Variants in STAT4 observed in about 807,000 individuals in gnomAD.
STAT4 encodes signal transducer and activator of transcription 4.
Under a neutral mutation model 110.5 loss-of-function variants are expected in STAT4, and 42 were observed. That is an observed-to-expected ratio of 0.38 (90% CI 0.30 to 0.49). STAT4 has a LOEUF of 0.49. Among genes scored for constraint, STAT4 ranks in the 20% least tolerant of loss-of-function variants. The probability of loss-of-function intolerance (pLI) is 0.95; values close to 1 mark genes in which losing one functional copy is unlikely to be tolerated. For missense variants in STAT4, 632 were observed against 887.9 expected, an observed-to-expected ratio of 0.71 and a Z score of 3.66; for synonymous variants, 284 against 302.2, an observed-to-expected ratio of 0.94 and a Z score of 0.63.
At position 191,082,616 on chromosome 2, in the gene STAT4, T is replaced by C. The variant is rs557527996; in HGVS notation, c.274-6291A>G. On this transcript the variant is annotated intron_variant, in intron 3 of 23. Transcript: ENST00000392320. The surrounding 1 kb of genome is among the most constrained non-coding windows in gnomAD (Gnocchi z 4.7). ...TGTCATAGAATCCATGAACATGCTA[T>C]TTATTCTTTTTGCTACTTTATGCTA... is the stretch of plus-strand genomic sequence containing the variant. 6.6e-6 allele frequency among the ~76,000 whole-genome samples: 1 copy of C among 152,368 alleles called. No individual in the cohort carries two copies. The highest frequency in any genetic ancestry group is 1.5e-5 in the Non-Finnish European group (1 of 68,030).
intron 3 of STAT4, among the ~76,000 whole-genome samples, chr2:191,125,812 G>A (rs1314401284): frequency 6.6e-6 from 1 of 152,030 alleles, no homozygotes; most frequent in Non-Finnish European, 1.5e-5. Flanking sequence ...AGGGAGTGCG[G>A]GGAGAGTTAG....
At chr2:191,123,695 G>A (rs547620813) in intron 3 of STAT4, among the ~76,000 whole-genome samples, 17 of 152,332 alleles carry the variant, frequency 1.1e-4, no homozygotes, top group African/African-American at 3.8e-4. Flanking sequence ...GTAATAAAGT[G>A]TTGAATATCT....
At position 191,136,014 on chromosome 2, in the gene STAT4, AAAAAAAAAC is replaced by A. The variant is rs1462545659; in HGVS notation, c.273+10590_273+10598del. On this transcript the variant is annotated intron_variant, in intron 3 of 23. Transcript: ENST00000392320. ...ATCCAACAGCATCTCAGAAAAAAAA[AAAAAAAAAC>A]CAAAAAACAAAAAACCAATGTGATC... 3.2e-5 allele frequency among the ~76,000 whole-genome samples: 4 copies of A among 123,366 alleles called. No homozygotes were observed. The East Asian group carries it at 8.9e-4, about 28-fold the overall frequency. 80.9% of individuals were successfully genotyped at this position (123,366 alleles called of 152,430 possible).
At chr2:191,036,592 A>G (rs1385888361) in intron 16 of STAT4, among the ~76,000 whole-genome samples, 12 of 152,136 alleles carry the variant, frequency 7.9e-5, no homozygotes, top group Admixed American at 7.9e-4. Context: ...GCCAACCCCA[A>G]ATCAAGAGGT....
intron 3 of STAT4, among the ~76,000 whole-genome samples, chr2:191,106,836 T>C (rs1698296912): frequency 6.6e-6 from 1 of 152,066 alleles, no homozygotes; most frequent in African/African-American, 2.4e-5. Flanking sequence ...CTATTAGAAT[T>C]AGGGCAGATC....
chr2:191,115,441 G>C (rs1205081314), intron 3 of STAT4, among the ~76,000 whole-genome samples: 3 of 152,150 alleles, frequency 2.0e-5, no homozygotes, highest in Non-Finnish European at 2.9e-5. Flanking sequence ...TTCATAAGAG[G>C]GTTGTGGGTT....
rs967080238 is a variant in STAT4, at chr2:191,037,727, G to A, written c.1435-1428C>T. ...GAAGGTGGGAATGAAAGAGGACACA[G>A]CATCCAACAAGGAATGGGCAATAGG... On this transcript the variant is annotated intron_variant, in intron 16 of 23. Coordinates refer to ENST00000392320, the MANE Select transcript of STAT4 (RefSeq NM_003151.4). This position sits in a 1 kb window ranked among gnomAD's most constrained non-coding sequence, Gnocchi z 4.8. 3.3e-5 allele frequency among the ~76,000 whole-genome samples: 5 copies of A among 152,164 alleles called. No homozygotes were observed. Among genetic ancestry groups the A allele is most frequent in the African/African-American group, 1.2e-4 (5 of 41,438 alleles).
chr2:191,045,130 T>A (rs1201036090), intron 14 of STAT4, among the ~76,000 whole-genome samples: 1 of 152,104 alleles, frequency 6.6e-6, no homozygotes, highest in Non-Finnish European at 1.5e-5. Context: ...GTTAGACATA[T>A]AAAATTTAAA....
At chr2:191,056,488 C>G (rs1222206180) in intron 13 of STAT4, among the ~76,000 whole-genome samples, 1 of 152,116 alleles carries the variant, frequency 6.6e-6, no homozygotes, top group Non-Finnish European at 1.5e-5. Context: ...AATGAAAGCG[C>G]TTTTAGCCAG....
intron 3 of STAT4, among the ~76,000 whole-genome samples, chr2:191,133,928 A>C (rs1032508865): frequency 6.7e-6 from 1 of 148,290 alleles, no homozygotes; most frequent in Non-Finnish European, 1.5e-5. Flanking sequence ...GCAAAAAGAA[A>C]TGAGCTATTA....
intron 3 of STAT4, among the ~76,000 whole-genome samples, chr2:191,093,717 CA>C (rs1304490343): frequency 5.9e-5 from 9 of 152,186 alleles, no homozygotes; most frequent in Non-Finnish European, 1.5e-5. Flanking sequence ...AGCAACAGAA[CA>C]AAGCTGGACG....
chr2:191,072,864 C>T (rs1337358726), intron 5 of STAT4, among the ~76,000 whole-genome samples: 1 of 152,118 alleles, frequency 6.6e-6, no homozygotes, highest in Non-Finnish European at 1.5e-5. Flanking sequence ...AAAGCTCATT[C>T]AAGAAGAAAT....
At position 191,062,965 on chromosome 2, in the gene STAT4, T is replaced by C; in HGVS notation, c.783-45A>G. 6.4e-7 allele frequency: 1 copy of C among 1,563,324 alleles called. No homozygotes were observed. The highest frequency in any genetic ancestry group is 8.7e-7 in the Non-Finnish European group (1 of 1,152,586). On this transcript the variant is annotated intron_variant, in intron 8 of 23. Coordinates refer to ENST00000392320, the MANE Select transcript of STAT4 (RefSeq NM_003151.4). This position sits in a 1 kb window ranked among gnomAD's most constrained non-coding sequence, Gnocchi z 4.9. ...AATCAAAGATAGTTTTTCCACTTAA[T>C]AATAAAAAAGCATTGTAACAATGGG...
At chr2:191,078,974 C>T (rs1697390149) in intron 3 of STAT4, among the ~76,000 whole-genome samples, 1 of 152,046 alleles carries the variant, frequency 6.6e-6, no homozygotes, top group East Asian at 1.9e-4. Flanking sequence ...TTTTTTTCCA[C>T]ATGTCTACCA....
chr2:191,036,130 CAG>C (rs2125150340), intron 17 of STAT4, 32 bp downstream of exon 17: 1 of 1,600,572 alleles, frequency 6.2e-7, no homozygotes, highest in Non-Finnish European at 8.5e-7. Context: ...GGGCCAAAAA[CAG>C]AGGCAAATCC....
chr2:191,139,514 A>C (rs1344215626), intron 3 of STAT4, among the ~76,000 whole-genome samples: 2 of 152,176 alleles, frequency 1.3e-5, no homozygotes, highest in African/African-American at 4.8e-5. Context: ...GCAAAAAAGA[A>C]AGAAAGAAAT....
intron 3 of STAT4, among the ~76,000 whole-genome samples, chr2:191,127,288 C>T (rs1698907566): frequency 6.6e-6 from 1 of 152,122 alleles, no homozygotes; most frequent in Non-Finnish European, 1.5e-5. Context: ...CTTAGCATGG[C>T]ATTCAAGATC....
At chr2:191,106,353 G>T in intron 3 of STAT4, among the ~76,000 whole-genome samples, 1 of 151,184 alleles carries the variant, frequency 6.6e-6, no homozygotes, top group African/African-American at 2.4e-5. Flanking sequence ...ATGGTGTAGT[G>T]TCTGCTTAGA....
At chr2:191,045,597 T>C (rs1272179296) in intron 14 of STAT4, among the ~76,000 whole-genome samples, 1 of 152,200 alleles carries the variant, frequency 6.6e-6, no homozygotes, top group Admixed American at 6.5e-5. Context: ...TAAATATGCA[T>C]TACTAAGTCA....
Sources: allele counts gnomAD v4.1 joint callset (sites outside exome capture counted in the v4.1 genomes callset), GRCh38; gene constraint gnomAD v4.1.1; non-coding constraint Gnocchi (gnomAD v3.1); transcripts MANE v1.5; gene names NCBI Gene and HGNC (gene_info 2026-07-23, HGNC 2026-07-21).